Variants in TACC2 observed in about 807,000 individuals in gnomAD.
TACC2 encodes transforming acidic coiled-coil-containing protein 2.
A neutral mutation model predicts 227.3 loss-of-function variants in TACC2; 137 were observed. The observed-to-expected ratio is 0.60, with a 90% confidence interval of 0.52 to 0.69. The LOEUF is 0.69. Among genes scored for constraint, TACC2 ranks in the 30% least tolerant of loss-of-function variants. The pLI is 0.00. For synonymous variants in TACC2, 1,523 were observed against 1,487.5 expected (o/e 1.02, Z -0.55); for missense variants, 3,470 against 3,694.4 (o/e 0.94, Z 1.57).
chr10:122,061,477 C>T (rs560293922), intron 3 of TACC2, among the ~76,000 whole-genome samples: 19 of 152,188 alleles, frequency 1.2e-4, no homozygotes, highest in Non-Finnish European at 2.4e-4. Flanking sequence ...GTGAAGCTGT[C>T]AGGACAAAGT....
At chr10:122,013,768 C>T (rs1956225572) in intron 1 of TACC2, among the ~76,000 whole-genome samples, 1 of 152,180 alleles carries the variant, frequency 6.6e-6, no homozygotes, top group Non-Finnish European at 1.5e-5. Context: ...AGAAGCAATT[C>T]AGAGCCTGTA....
chr10:122,154,247 A>T (rs946607497), intron 7 of TACC2, among the ~76,000 whole-genome samples: 1 of 152,238 alleles, frequency 6.6e-6, no homozygotes, highest in Non-Finnish European at 1.5e-5. Context: ...CTTGGAGCCA[A>T]ACTTGCTGCT....
intron 22 of TACC2, among the ~76,000 whole-genome samples, chr10:122,250,454 G>A (rs1463685635): frequency 1.3e-5 from 2 of 152,192 alleles, no homozygotes; most frequent in South Asian, 2.1e-4. Context: ...GCAGTGATGG[G>A]GCATCCTTTG....
intron 5 of TACC2, among the ~76,000 whole-genome samples, chr10:122,102,880 G>A (rs1018312272): frequency 6.6e-6 from 1 of 152,174 alleles, no homozygotes; most frequent in Non-Finnish European, 1.5e-5. Flanking sequence ...TGTATATTTT[G>A]GGTTCAGGCT....
chr10:121,990,751 A>G lies in TACC2; in HGVS notation c.-46+1263A>G, dbSNP rs142586992. On this transcript the variant is annotated intron_variant, in intron 1 of 22. Transcript: ENST00000369005. ...CTTCTCCAGTTTGCCACATTATTAC[A>G]TTATTGTCTGGACATACCTGTTTTT... 9.0e-3 allele frequency among the ~76,000 whole-genome samples: 1,361 copies of G among 152,030 alleles called. 16 individuals are homozygous for G. The highest frequency in any genetic ancestry group is 0.014 in the Non-Finnish European group (929 of 67,992).
chr10:122,138,184 TG>T (rs2090003166), intron 6 of TACC2, among the ~76,000 whole-genome samples: 1 of 152,192 alleles, frequency 6.6e-6, no homozygotes, highest in Non-Finnish European at 1.5e-5. Flanking sequence ...AAAGGTTAGT[TG>T]AACCTTTATT....
At chr10:122,026,784 G>A (rs1231937704) in intron 2 of TACC2, among the ~76,000 whole-genome samples, 1 of 150,086 alleles carries the variant, frequency 6.7e-6, no homozygotes, top group Non-Finnish European at 1.5e-5. Flanking sequence ...TAAGGTTCCT[G>A]CATGTTTTTT....
At position 122,111,319 on chromosome 10, in the gene TACC2, C is replaced by T. The variant is rs74662278; in HGVS notation, c.5574-21290C>T. On this transcript the variant is annotated intron_variant, in intron 5 of 22. Coordinates refer to ENST00000369005, the MANE Select transcript of TACC2 (RefSeq NM_206862.4). ...CAGTAGATTTCGAAACAGAGTGGCA[C>T]CTTCCTCTGTCTTGAAGGATGTGCA... is the stretch of plus-strand genomic sequence containing the variant. Among the ~76,000 whole-genome samples, 507 of 152,330 alleles carry T rather than the reference C, an allele frequency of 3.3e-3. 3 individuals carry two copies. Among genetic ancestry groups the T allele is most frequent in the Middle Eastern group, 6.8e-3 (2 of 294 alleles).
At chr10:122,151,445 C>G (rs902749514) in intron 7 of TACC2, among the ~76,000 whole-genome samples, 3 of 152,020 alleles carry the variant, frequency 2.0e-5, no homozygotes, top group Admixed American at 6.6e-5. Flanking sequence ...ATTCAGGCAG[C>G]AGGTCAGAGA....
Position 122,195,156 on chromosome 10 carries a change from A to G in TACC2, c.5951A>G (p.Gln1984Arg). The G allele has an allele frequency of 6.2e-7, 1 of 1,602,292 alleles. No homozygotes were observed. The highest frequency in any genetic ancestry group is 8.5e-7 in the Non-Finnish European group (1 of 1,174,574). Residue 1984 changes from glutamine to arginine, a missense_variant, in exon 8 of 23, where the codon CAG becomes CGG. Gln to Arg is a conservative substitution (Grantham distance 43). Transcript: ENST00000369005. ...EVIPEPEVST[Q>R]PPPEEPGCGS... is the part of the protein sequence containing the mutation. ...ATCCCAGAACCCGAGGTCAGCACAC[A>G]GCCACCCCCGGAAGAACCAGGTAAC...
At chr10:122,113,767 A>G (rs2084093153) in intron 5 of TACC2, among the ~76,000 whole-genome samples, 1 of 152,236 alleles carries the variant, frequency 6.6e-6, no homozygotes, top group Non-Finnish European at 1.5e-5. Context: ...ATTCTCGAAT[A>G]GTTACGTCAG....
chr10:122,098,934 G>A (rs779317563), intron 5 of TACC2, among the ~76,000 whole-genome samples: 45 of 152,250 alleles, frequency 3.0e-4, no homozygotes, highest in Non-Finnish European at 5.1e-4. Context: ...GGCACCCGTG[G>A]GGAATGCATT....
At position 122,086,041 on chromosome 10, in the gene TACC2, T is replaced by A; in HGVS notation, c.3541T>A (p.Cys1181Ser). The change falls in exon 4 of 23, where the codon TGC (cysteine) becomes AGC (serine). Residue 1181 changes from cysteine (C) to serine (S), a missense_variant. By Grantham distance (112) the Cys-to-Ser change is moderately radical. Around this residue, in one of 10 missense-constraint regions of TACC2, gnomAD observed 1,924 missense variants for 1,978.3 expected, o/e 0.97. Coordinates refer to ENST00000369005, the MANE Select transcript of TACC2 (RefSeq NM_206862.4). ...TTCTACCTCTGCCCTACGTGAGTCCTGCCAAGCTGAGCACCCCATGGCCAG... is the reference window on the plus strand; with the variant it reads ...TTCTACCTCTGCCCTACGTGAGTCCAGCCAAGCTGAGCACCCCATGGCCAG... ...EASTSALRES[C>S]QAEHPMASCQ... The A allele has an allele frequency of 6.2e-7, 1 of 1,613,908 alleles. No individual in the cohort carries two copies. Among genetic ancestry groups the A allele is most frequent in the Non-Finnish European group, 8.5e-7 (1 of 1,180,016 alleles).
intron 22 of TACC2, among the ~76,000 whole-genome samples, chr10:122,251,357 A>C (rs954479881): frequency 6.6e-6 from 1 of 152,216 alleles, no homozygotes; most frequent in African/African-American, 2.4e-5. Context: ...TGTTCTTAGC[A>C]GTATCCTCAG....
chr10:122,177,899 A>G (rs956985129), intron 7 of TACC2, among the ~76,000 whole-genome samples: 1 of 152,138 alleles, frequency 6.6e-6, no homozygotes. Context: ...GAGGCCCCTG[A>G]ACCCTGGATT....
intron 1 of TACC2, among the ~76,000 whole-genome samples, chr10:121,997,395 A>G (rs946358386): frequency 2.0e-5 from 3 of 152,152 alleles, no homozygotes; most frequent in Middle Eastern, 3.2e-3. Context: ...CCTGGCCACC[A>G]TTCCTCATTG....
chr10:122,238,694 A>G (rs1035716931), intron 18 of TACC2, among the ~76,000 whole-genome samples: 3 of 151,340 alleles, frequency 2.0e-5, no homozygotes, highest in African/African-American at 7.3e-5. Flanking sequence ...CAGATGATCC[A>G]CCCGCCTCGG....
intron 5 of TACC2, among the ~76,000 whole-genome samples, chr10:122,094,179 C>G (rs748254575): frequency 6.6e-6 from 1 of 152,122 alleles, no homozygotes; most frequent in East Asian, 1.9e-4. Flanking sequence ...GGAAATGCAG[C>G]CTTTATGTGT....
Position 122,084,463 on chromosome 10 carries a change from G to C in TACC2, c.1963G>C (p.Asp655His). ...DGPHSQTAEA[D>H]ASGLPHKLGE... ...GCCCCACTCTCAGACAGCAGAGGCT[G>C]ATGCATCTGGCCTACCACACAAGCT... Residue 655 changes from aspartate to histidine, a missense_variant, in exon 4 of 23, where the codon GAT becomes CAT. Asp to His is a moderately conservative substitution (Grantham distance 81, BLOSUM62 -1). Coordinates refer to ENST00000369005, the MANE Select transcript of TACC2 (RefSeq NM_206862.4). 6.8e-6 allele frequency: 11 copies of C among 1,613,090 alleles called. No individual in the cohort carries two copies. Among genetic ancestry groups the C allele is most frequent in the Non-Finnish European group, 8.5e-6 (10 of 1,180,028 alleles).
Sources: gnomAD v4.1 joint callset for allele counts (sites outside exome capture counted in the v4.1 genomes callset) on GRCh38, gnomAD v4.1.1 for gene constraint, gnomAD v4.1.1 regional missense constraint, MANE v1.5 for transcripts, NCBI Gene and HGNC (gene_info 2026-07-23, HGNC 2026-07-21) for gene names.